Variants in UNG observed in about 807,000 individuals in gnomAD.
UNG encodes uracil-DNA glycosylase.
A neutral mutation model predicts 36.5 loss-of-function variants in UNG; 34 were observed. That is an observed-to-expected ratio of 0.93 (90% CI 0.71 to 1.24). The LOEUF (loss-of-function observed/expected upper bound fraction) is 1.24. Ranked by LOEUF, UNG falls within the 50% of genes most tolerant of loss-of-function variation. The pLI is 0.00. For synonymous variants in UNG, 172 were observed against 157.8 expected, an observed-to-expected ratio of 1.09 and a Z score of -0.67; for missense variants, 391 against 397.6, an observed-to-expected ratio of 0.98 and a Z score of 0.14.
At chr12:109,102,022 T>G (rs1300250050) in intron 4 of UNG, 23 bp downstream of exon 4, 2 of 1,602,308 alleles carry the variant, frequency 1.2e-6, no homozygotes, top group Non-Finnish European at 1.7e-6. Context: ...TACAGGTGAC[T>G]GCAGTCCAGA....
At chr12:109,098,182 C>T (rs986808222) in intron 1 of UNG, 15 of 1,421,238 alleles carry the variant, frequency 1.1e-5, no homozygotes, top group Non-Finnish European at 1.4e-5. Flanking sequence ...GTGCAGGGTT[C>T]CCAGTCACCG....
Position 109,097,664 on chromosome 12 carries a change from C to A in UNG, c.-16C>A. ...GTTCCCGGGTGGCGCGCGTTCGCTG[C>A]CTCCTCAGCTCCAGGATGATCGGCC... is the stretch of plus-strand genomic sequence containing the variant. On this transcript the variant is annotated 5_prime_UTR_variant, in exon 1 of 7. Coordinates refer to ENST00000242576, the MANE Select transcript of UNG (RefSeq NM_080911.3). 6.2e-7 allele frequency: 1 copy of A among 1,603,696 alleles called. No homozygotes were observed. The highest frequency in any genetic ancestry group is 2.3e-5 in the East Asian group (1 of 44,218).
At position 109,102,946 on chromosome 12, in the gene UNG, G is replaced by GT; in HGVS notation, c.622+19_622+20insT. ...AAGCAAGGTAAGCCAGCGACTGCTA[G>GT]ATTTTTTTTTTTTTTTTTTTTTTGA... On this transcript the variant is annotated intron_variant, in intron 5 of 6. Transcript: ENST00000242576. The GT allele has an allele frequency of 5.6e-5, 51 of 917,576 alleles. No homozygotes were observed. The highest frequency in any genetic ancestry group is 7.4e-5 in the Non-Finnish European group (44 of 598,182). The allele number at this position is 917,576 out of a possible 1,614,324, so 56.8% of individuals were successfully genotyped here. A position where few individuals can be genotyped will look rare whatever the true frequency, so the allele number is the denominator to read the frequency against.
chr12:109,109,353 T>G (rs2042242085), intron 6 of UNG, among the ~76,000 whole-genome samples: 1 of 152,066 alleles, frequency 6.6e-6, no homozygotes, highest in Non-Finnish European at 1.5e-5. Context: ...GGTAGGTAGT[T>G]GCTCAACAAA....
At chr12:109,106,464 G>A (rs1014820001) in intron 6 of UNG, among the ~76,000 whole-genome samples, 2 of 151,870 alleles carry the variant, frequency 1.3e-5, no homozygotes, top group African/African-American at 4.8e-5. Context: ...TTTATATACA[G>A]AAAAGAAGAG....
rs545043536 is a variant in UNG, at chr12:109,103,367, C to T, written c.623-66C>T. ...CATTGGTTTCATCATGGATTTAGCT[C>T]CTGTTGCTGGGTATTGGGCTGATTT... On this transcript the variant is annotated intron_variant, in intron 5 of 6. Transcript: ENST00000242576. 1.8e-5 allele frequency: 27 copies of T among 1,459,612 alleles called. No homozygotes were observed. The African/African-American group carries it at 3.6e-4, about 20-fold the overall frequency. 90.4% of individuals were successfully genotyped at this position (1,459,612 alleles called of 1,614,324 possible). A position where few individuals can be genotyped will look rare whatever the true frequency, so the allele number is the denominator to read the frequency against.
chr12:109,098,612 G>A lies in UNG; in HGVS notation c.313G>A (p.Glu105Lys), dbSNP rs2135882513. The part of the protein sequence containing the change: ...GESWKKHLSG[E>K]FGKPYFIKLM... Reference sequence around the variant, plus strand: ...GAGCTGGAAGAAGCACCTCAGCGGGGAGTTCGGGAAACCGTATTTTATCAA... The same window carrying A: ...GAGCTGGAAGAAGCACCTCAGCGGGAAGTTCGGGAAACCGTATTTTATCAA... Residue 105 changes from glutamate to lysine, a missense_variant, in exon 2 of 7, where the codon GAG becomes AAG. By Grantham distance (56) the Glu-to-Lys change is moderately conservative (BLOSUM62 1). Transcript: ENST00000242576. 1 of 1,613,590 alleles carries A rather than the reference G, an allele frequency of 6.2e-7. No homozygotes were observed. The highest frequency in any genetic ancestry group is 2.2e-5 in the East Asian group (1 of 44,892).
rs1566120207 is a variant in UNG, at chr12:109,099,138, T to A, written c.340-51T>A. The A allele has an allele frequency of 4.6e-6, 7 of 1,520,914 alleles. No homozygotes were observed. In the East Asian group the frequency reaches 1.4e-4, roughly 29 times the overall value. 94.2% of individuals were successfully genotyped at this position (1,520,914 alleles called of 1,614,324 possible). A position where few individuals can be genotyped will look rare whatever the true frequency, so the allele number is the denominator to read the frequency against. On this transcript the variant is annotated intron_variant, in intron 2 of 6. Coordinates refer to ENST00000242576, the MANE Select transcript of UNG (RefSeq NM_080911.3). The stretch of plus-strand genomic sequence containing the variant: ...ACTAGAAGCTTTCTTATTGAATTCT[T>A]ATGGTTTCCAATGAGAATCTGATTT...
At chr12:109,098,082 G>A in intron 1 of UNG, 1 of 1,389,030 alleles carries the variant, frequency 7.2e-7, no homozygotes, top group Non-Finnish European at 9.3e-7. Context: ...TCAGAGGGGA[G>A]AGGGGGCGGG....
rs144650704 is a variant in UNG, at chr12:109,098,918, C to T, written c.340-271C>T. Among the ~76,000 whole-genome samples, 81 of 152,292 alleles carry T rather than the reference C, an allele frequency of 5.3e-4. 3 individuals are homozygous for T. The East Asian group carries it at 0.014, about 26-fold the overall frequency. On this transcript the variant is annotated intron_variant, in intron 2 of 6. Coordinates refer to ENST00000242576, the MANE Select transcript of UNG (RefSeq NM_080911.3). ...CTGGCGTAGTAAAATCACCAACCAT[C>T]CTGAATGAAACCTGGCTTGAGCTTT... is the stretch of plus-strand genomic sequence containing the variant.
At chr12:109,106,877 A>ATATATATATATACACGTATATATATACG (rs2042218668) in intron 6 of UNG, among the ~76,000 whole-genome samples, 1 of 35,136 alleles carries the variant, frequency 2.8e-5, no homozygotes, top group East Asian at 8.1e-4. Context: ...AAAAAAAAAC[A>ATATATATATATACACGTATATATATACG]TATATATATA....
At chr12:109,097,906 C>G (rs1307281652) in intron 1 of UNG, 95 bp downstream of exon 1, 13 of 1,390,404 alleles carry the variant, frequency 9.3e-6, no homozygotes, top group East Asian at 2.6e-5. Context: ...GCCTCTGACT[C>G]GGTAAACCCG....
At chr12:109,104,130 C>T (rs1418777865) in intron 6 of UNG, among the ~76,000 whole-genome samples, 2 of 150,538 alleles carry the variant, frequency 1.3e-5, no homozygotes, top group African/African-American at 4.9e-5. Flanking sequence ...CTCACTGCAA[C>T]CTCCGCCTGC....
intron 6 of UNG, among the ~76,000 whole-genome samples, chr12:109,104,484 G>C (rs2042202423): frequency 1.3e-5 from 2 of 152,124 alleles, no homozygotes; most frequent in Non-Finnish European, 2.9e-5. Flanking sequence ...TTCTACACCT[G>C]GTTGTGGAAA....
chr12:109,101,107 T>C (rs1012529205), intron 3 of UNG, among the ~76,000 whole-genome samples: 31 of 1,530 alleles, frequency 0.02, no homozygotes, highest in African/African-American at 0.057. Context: ...TCTGAATTGC[T>C]TTTTTTTTTT....
rs2042180217 is a variant in UNG at position 109,101,830 on chromosome 12, GT to G, written c.436-69del. The stretch of plus-strand genomic sequence containing the variant: ...GAAGTGTTTTATTTGTTTTGTTTAT[GT>G]TTGTTTGAGGCAGGGTCTGTGCTGC... On this transcript the variant is annotated intron_variant, in intron 3 of 6. Coordinates refer to ENST00000242576, the MANE Select transcript of UNG (RefSeq NM_080911.3). 9.3e-5 allele frequency: 123 copies of G among 1,318,740 alleles called. No individual in the cohort carries two copies. The East Asian group carries it at 2.8e-3, about 30-fold the overall frequency. 81.7% of individuals were successfully genotyped at this position (1,318,740 alleles called of 1,614,324 possible).
intron 6 of UNG, among the ~76,000 whole-genome samples, chr12:109,106,158 C>A (rs1308767390): frequency 6.6e-6 from 1 of 152,174 alleles, no homozygotes; most frequent in Non-Finnish European, 1.5e-5. Context: ...GACTTCTTAT[C>A]ACACTCAGCC....
In UNG at chr12:109,109,288, A is replaced by C. The variant is rs1383453305; in HGVS notation, c.802-541A>C. On this transcript the variant is annotated intron_variant, in intron 6 of 6. Transcript: ENST00000242576. ...AGGGACACTTGAAAATTGCATAGAT[A>C]ATTGCCAACTTGAAGGCAGAGGGTG... 2.0e-5 allele frequency among the ~76,000 whole-genome samples: 3 copies of C among 152,126 alleles called. No individual in the cohort carries two copies. The East Asian group carries it at 5.8e-4, about 29-fold the overall frequency.
chr12:109,098,049 T>G (rs2135881475), intron 1 of UNG: 4 of 1,369,064 alleles, frequency 2.9e-6, no homozygotes, highest in South Asian at 3.4e-5. Flanking sequence ...CCGCAGGCCC[T>G]CCTGGCTCGG....
Sources: gnomAD v4.1 joint callset for allele counts (sites outside exome capture counted in the v4.1 genomes callset) on GRCh38, gnomAD v4.1.1 for gene constraint, MANE v1.5 for transcripts, NCBI Gene and HGNC (gene_info 2026-07-23, HGNC 2026-07-21) for gene names.